The following ADAD1 variants were observed in gnomAD, a reference collection of about 807,000 sequenced individuals.
ADAD1 encodes the protein adenosine deaminase domain containing 1.
A neutral mutation model predicts 66.8 loss-of-function variants in ADAD1; 46 were observed. The observed-to-expected ratio is 0.69, with a 90% CI of 0.54 to 0.88. The LOEUF (loss-of-function observed/expected upper bound fraction) is 0.88. ADAD1 is among the 40% of genes least tolerant of loss of function. ADAD1 has a pLI of 0.00. For synonymous variants in ADAD1, 248 were observed against 229.4 expected, an observed-to-expected ratio of 1.08 and a Z score of -0.73; for missense variants, 617 against 681.8, an observed-to-expected ratio of 0.91 and a Z score of 1.06.
At chr4:122,426,923 T>A (rs1019458149) in intron 12 of ADAD1, among the ~76,000 whole-genome samples, 1 of 152,134 alleles carries the variant, frequency 6.6e-6, no homozygotes, top group Non-Finnish European at 1.5e-5. Context: ...TACTCAAGAT[T>A]GGGGAAGAAG....
At chr4:122,424,924 T>G (rs1797162004) in intron 12 of ADAD1, among the ~76,000 whole-genome samples, 1 of 152,100 alleles carries the variant, frequency 6.6e-6, no homozygotes, top group Non-Finnish European at 1.5e-5. Flanking sequence ...CTGGAATGTT[T>G]ATATTAATAT....
intron 10 of ADAD1, among the ~76,000 whole-genome samples, chr4:122,414,849 T>G (rs999245809): frequency 6.6e-6 from 1 of 152,154 alleles, no homozygotes; most frequent in Non-Finnish European, 1.5e-5. Flanking sequence ...AACTGAGAAT[T>G]CAAAGCTTTT....
chr4:122,400,917 A>G (rs545374703), intron 7 of ADAD1, among the ~76,000 whole-genome samples: 3 of 152,120 alleles, frequency 2.0e-5, no homozygotes, highest in Admixed American at 6.5e-5. Flanking sequence ...CTACTGGTCT[A>G]TCAATTTTGT....
chr4:122,394,626 T>A (rs1178958840), intron 6 of ADAD1, among the ~76,000 whole-genome samples: 1 of 152,188 alleles, frequency 6.6e-6, no homozygotes, highest in Non-Finnish European at 1.5e-5. Context: ...GTGTGTGGCC[T>A]AACAGTTGTA....
chr4:122,421,498 T>G, intron 12 of ADAD1, 108 bp downstream of exon 12: 1 of 1,031,062 alleles, frequency 9.7e-7, no homozygotes, highest in Non-Finnish European at 1.3e-6. Context: ...ACTTCCTGAA[T>G]ATAAGATATT....
At chr4:122,394,128 C>T (rs148799458) in intron 6 of ADAD1, among the ~76,000 whole-genome samples, 5 of 152,100 alleles carry the variant, frequency 3.3e-5, no homozygotes, top group Non-Finnish European at 5.9e-5. Context: ...TTTTACTCAT[C>T]TATGAGATAG....
chr4:122,423,178 A>G (rs915733088), intron 12 of ADAD1, among the ~76,000 whole-genome samples: 3 of 152,116 alleles, frequency 2.0e-5, no homozygotes, highest in East Asian at 1.9e-4. Context: ...CAGAGGAGGT[A>G]TACTTGATTT....
intron 7 of ADAD1, among the ~76,000 whole-genome samples, chr4:122,405,837 CT>C (rs1214372582): frequency 6.6e-6 from 1 of 152,146 alleles, no homozygotes; most frequent in Non-Finnish European, 1.5e-5. Flanking sequence ...CAGTGTTTGT[CT>C]TTCTGTGTCT....
At chr4:122,409,382 T>G (rs796928855) in intron 8 of ADAD1, among the ~76,000 whole-genome samples, 8 of 152,276 alleles carry the variant, frequency 5.3e-5, no homozygotes, top group African/African-American at 1.9e-4. Context: ...TTAAATTTTA[T>G]AATTTCTTAT....
chr4:122,428,142 T>A (rs1797341731), intron 12 of ADAD1, among the ~76,000 whole-genome samples: 1 of 152,134 alleles, frequency 6.6e-6, no homozygotes, highest in African/African-American at 2.4e-5. Context: ...GGACTTTAGA[T>A]CTAACTGTAA....
chr4:122,385,277 G>C (rs1003296434), intron 5 of ADAD1, among the ~76,000 whole-genome samples: 1 of 151,296 alleles, frequency 6.6e-6, no homozygotes, highest in African/African-American at 2.4e-5. Flanking sequence ...AGTGTTTTTC[G>C]TTTTGTTTTG....
rs1560613277 is a variant in ADAD1, at chr4:122,429,769, C to A, written c.*30C>A. 6.7e-7 allele frequency: 1 copy of A among 1,485,570 alleles called. No homozygotes were observed. The highest frequency in any genetic ancestry group is 1.2e-5 in the South Asian group (1 of 82,344). 92.0% of individuals were successfully genotyped at this position (1,485,570 alleles called of 1,614,324 possible). A position where few individuals can be genotyped will look rare whatever the true frequency, so the allele number is the denominator to read the frequency against. On this transcript the variant is annotated 3_prime_UTR_variant, in exon 13 of 13. Coordinates refer to ENST00000296513, the MANE Select transcript of ADAD1 (RefSeq NM_139243.4). ...GGCAATCCATTATCACATTAAAAAT[C>A]TTGTTTTGTTTGGTGTGTTTTGACT...
Position 122,412,897 on chromosome 4 carries a change from TTTTG to T in ADAD1, c.1249+89_1249+92del, listed in dbSNP as rs1796531295. On this transcript the variant is annotated intron_variant, in intron 10 of 12. Coordinates refer to ENST00000296513, the MANE Select transcript of ADAD1 (RefSeq NM_139243.4). ...TTATCAGTATAAAATTAGTTTTAGT[TTTTG>T]CATACGTGAAACTTTATTTAAGGTC... is the stretch of plus-strand genomic sequence containing the variant. 4.5e-6 allele frequency: 5 copies of T among 1,121,446 alleles called. No homozygotes were observed. In the Admixed American group the frequency reaches 8.7e-5, roughly 19 times the overall value. 69.5% of individuals were successfully genotyped at this position (1,121,446 alleles called of 1,614,324 possible). A position where few individuals can be genotyped will look rare whatever the true frequency, so the allele number is the denominator to read the frequency against.
intron 12 of ADAD1, 28 bp downstream of exon 12, chr4:122,421,418 A>T (rs1553925358): frequency 6.8e-7 from 1 of 1,480,104 alleles, no homozygotes; most frequent in Non-Finnish European, 9.1e-7. Context: ...TAAAGTTATC[A>T]TAGGAATAAA....
rs549413624 is a variant in ADAD1 at position 122,415,247 on chromosome 4, G to C, written c.1250-132G>C. The stretch of plus-strand genomic sequence containing the variant: ...ATATGGAGTAGATGCTAAGAGAATA[G>C]AACTAGGAAAGGGAAGGTTGAAAGA... On this transcript the variant is annotated intron_variant, in intron 10 of 12. Transcript: ENST00000296513. 2.8e-5 allele frequency: 19 copies of C among 673,386 alleles called. No individual in the cohort carries two copies. The African/African-American group carries it at 3.4e-4, about 12-fold the overall frequency. 41.7% of individuals were successfully genotyped at this position (673,386 alleles called of 1,614,324 possible).
intron 4 of ADAD1, among the ~76,000 whole-genome samples, chr4:122,381,412 G>T (rs1276410420): frequency 6.6e-6 from 1 of 152,166 alleles, no homozygotes; most frequent in Non-Finnish European, 1.5e-5. Context: ...TGTGTCGCTA[G>T]CTGAATGGAA....
At chr4:122,383,563 C>T (rs895086165) in intron 4 of ADAD1, among the ~76,000 whole-genome samples, 2 of 152,150 alleles carry the variant, frequency 1.3e-5, no homozygotes, top group African/African-American at 4.8e-5. Context: ...ACTACTGGCC[C>T]TATTGCTCAC....
intron 8 of ADAD1, 127 bp downstream of exon 8, chr4:122,408,158 A>G (rs770035334): frequency 3.9e-5 from 38 of 963,066 alleles, no homozygotes; most frequent in Admixed American, 6.2e-5. Flanking sequence ...ACATTTTCTT[A>G]TCTAAGTCAT....
chr4:122,429,265 T>A (rs1180609226), intron 12 of ADAD1, among the ~76,000 whole-genome samples: 1 of 151,744 alleles, frequency 6.6e-6, no homozygotes, highest in Non-Finnish European at 1.5e-5. Flanking sequence ...AGACCTTGCC[T>A]CTGCAAAAAA....
Sources: allele counts gnomAD v4.1 joint callset (sites outside exome capture counted in the v4.1 genomes callset), GRCh38; gene constraint gnomAD v4.1.1; transcripts MANE v1.5; gene names NCBI Gene and HGNC (gene_info 2026-07-23, HGNC 2026-07-21).